Variants in HYCC2 observed in about 807,000 individuals in gnomAD.
HYCC2 encodes the protein hyccin 2.
chr2:201,031,957 T>C, the HYCC2 span, among the ~76,000 whole-genome samples: 1 of 152,196 alleles, frequency 6.6e-6, no homozygotes, highest in Non-Finnish European at 1.5e-5. Flanking sequence ...ACTACCATTT[T>C]ATTTTATTTT....
At chr2:200,985,810 T>C in the HYCC2 span, among the ~76,000 whole-genome samples, 2 of 152,210 alleles carry the variant, frequency 1.3e-5, no homozygotes, top group African/African-American at 2.4e-5. Flanking sequence ...TATTTTAATA[T>C]TTTATAGGAT....
chr2:201,024,016 T>G, the HYCC2 span: 1 of 1,611,692 alleles, frequency 6.2e-7, no homozygotes, highest in African/African-American at 1.3e-5. Context: ...GCATTTTCTT[T>G]TACCTTCTAC....
At chr2:201,011,273 C>T in the HYCC2 span, 3 of 551,532 alleles carry the variant, frequency 5.4e-6, no homozygotes, top group East Asian at 1.0e-4. Flanking sequence ...CAAACATCCA[C>T]TTTTAAGAAG....
the HYCC2 span, chr2:200,976,958 T>C: frequency 6.6e-6 from 1 of 152,178 alleles, no homozygotes; most frequent in South Asian, 2.1e-4. Context: ...AAAAATTACT[T>C]TAAAATAACT....
At chr2:200,993,763 C>T in the HYCC2 span, among the ~76,000 whole-genome samples, 6 of 151,360 alleles carry the variant, frequency 4.0e-5, no homozygotes, top group South Asian at 2.1e-4. Flanking sequence ...AGGCGGATCA[C>T]GAGGTCAGGA....
At chr2:200,988,166 T>C in the HYCC2 span, 5 of 1,025,976 alleles carry the variant, frequency 4.9e-6, 1 homozygote, top group Middle Eastern at 6.7e-4. Flanking sequence ...ACTTTAATTA[T>C]ACAGGGTCTT....
the HYCC2 span, among the ~76,000 whole-genome samples, chr2:201,065,602 A>T: frequency 6.6e-6 from 1 of 152,268 alleles, no homozygotes; most frequent in Non-Finnish European, 1.5e-5. Context: ...AATTGAGAGA[A>T]GTAAATGGAA....
chr2:201,020,621 A>G, the HYCC2 span, among the ~76,000 whole-genome samples: 9 of 152,314 alleles, frequency 5.9e-5, no homozygotes, highest in East Asian at 1.4e-3. Flanking sequence ...CAGAGTCCTT[A>G]AGGTAGCTAG....
At chr2:201,023,840 C>T in the HYCC2 span, 1 of 712,790 alleles carries the variant, frequency 1.4e-6, no homozygotes, top group Non-Finnish European at 2.3e-6. Context: ...TTTCCACTTC[C>T]TACCATATTT....
chr2:200,992,465 CA>C, the HYCC2 span: 4 of 831,440 alleles, frequency 4.8e-6, no homozygotes, highest in Admixed American at 2.1e-5. Flanking sequence ...GGTTGTGAAG[CA>C]AAACTTTCAT....
chr2:201,002,389 A>T, the HYCC2 span, among the ~76,000 whole-genome samples: 1 of 152,302 alleles, frequency 6.6e-6, no homozygotes, highest in South Asian at 2.1e-4. Context: ...ATTGGTAAAG[A>T]TTAAAAACTT....
the HYCC2 span, among the ~76,000 whole-genome samples, chr2:201,059,398 C>T: frequency 6.6e-6 from 1 of 152,166 alleles, no homozygotes; most frequent in Non-Finnish European, 1.5e-5. Context: ...AATGCCTGGC[C>T]CTGGTATCAG....
At chr2:201,049,710 C>G in the HYCC2 span, among the ~76,000 whole-genome samples, 1 of 151,886 alleles carries the variant, frequency 6.6e-6, no homozygotes, top group African/African-American at 2.4e-5. Flanking sequence ...GAAGTTTCAA[C>G]ATACTTCAAA....
chr2:200,994,936 G>A, the HYCC2 span, among the ~76,000 whole-genome samples: 2 of 151,748 alleles, frequency 1.3e-5, no homozygotes, highest in Non-Finnish European at 2.9e-5. Context: ...AGGAGTTCGA[G>A]GCTGCAGTGA....
the HYCC2 span, among the ~76,000 whole-genome samples, chr2:201,061,731 T>G: frequency 2.0e-5 from 3 of 152,140 alleles, no homozygotes; most frequent in African/African-American, 7.2e-5. Context: ...GACTGTCATT[T>G]TTTAGACTGT....
At chr2:200,993,732 A>T in the HYCC2 span, among the ~76,000 whole-genome samples, 2 of 152,082 alleles carry the variant, frequency 1.3e-5, no homozygotes, top group South Asian at 4.1e-4. Context: ...CTGTAATCCC[A>T]GCACTTTGGG....
At chr2:200,981,750 C>T in the HYCC2 span, 2 of 1,614,168 alleles carry the variant, frequency 1.2e-6, no homozygotes, top group Non-Finnish European at 1.7e-6. This position sits in a 1 kb window ranked among gnomAD's most constrained non-coding sequence, Gnocchi z 4.5. Flanking sequence ...AGCTTCCCCT[C>T]TGAGAAGAGG....
the HYCC2 span, chr2:201,066,981 C>A: frequency 3.4e-6 from 1 of 293,806 alleles, no homozygotes; most frequent in Non-Finnish European, 6.7e-6. Flanking sequence ...CCAGAGTTCA[C>A]CATGAAGAAG....
chr2:200,990,746 T>C, the HYCC2 span, among the ~76,000 whole-genome samples: 4 of 152,210 alleles, frequency 2.6e-5, no homozygotes, highest in African/African-American at 9.6e-5. Flanking sequence ...TAATTTTTTG[T>C]ATTTTTAGTA....
Sources: allele counts gnomAD v4.1 joint callset (sites outside exome capture counted in the v4.1 genomes callset), GRCh38; gene constraint gnomAD v4.1.1; non-coding constraint Gnocchi (gnomAD v3.1); transcripts MANE v1.5; gene names NCBI Gene and HGNC (gene_info 2026-07-23, HGNC 2026-07-21).